Variants in NRG3 observed in about 807,000 individuals in gnomAD.
NRG3 encodes the protein pro-neuregulin-3, membrane-bound isoform.
A neutral mutation model predicts 66.9 loss-of-function variants in NRG3; 31 were observed. That is an observed-to-expected ratio of 0.46 (90% CI 0.35 to 0.63). The LOEUF (loss-of-function observed/expected upper bound fraction) is 0.63, where lower values mean the gene tolerates loss of function less well. Ranked by LOEUF, NRG3 falls within the 20% of genes least tolerant of loss-of-function variation. NRG3 has a pLI of 0.00. For synonymous variants in NRG3, 393 were observed against 359.4 expected (o/e 1.09, Z -1.06); for missense variants, 910 against 878.9 (o/e 1.04, Z -0.45).
intron 1 of NRG3, among the ~76,000 whole-genome samples, chr10:82,117,374 G>T (rs2067793265): frequency 6.6e-6 from 1 of 152,028 alleles, no homozygotes. Context: ...AATTAATTGT[G>T]GGACAAAGAA....
chr10:82,717,252 A>T (rs1049956151), intron 2 of NRG3, among the ~76,000 whole-genome samples: 2 of 152,102 alleles, frequency 1.3e-5, no homozygotes, highest in South Asian at 2.1e-4. Context: ...TATATAAATA[A>T]TTTTTTATAG....
rs1355655530 is a variant in NRG3, at chr10:82,187,626, A to C, written c.824-171113A>C. ...TTTTTTTTGCGGGGAAGAGGTTGAG[A>C]GAGGCTTCCTGGTTTGCTCCTTTGT... is the stretch of plus-strand genomic sequence containing the variant. On this transcript the variant is annotated intron_variant, in intron 1 of 8. Transcript: ENST00000372141. Among the ~76,000 whole-genome samples, 4 of 152,084 alleles carry C rather than the reference A, an allele frequency of 2.6e-5. No individual in the cohort carries two copies. In the East Asian group the frequency reaches 7.7e-4, roughly 29 times the overall value.
At chr10:82,262,799 A>T (rs562140960) in intron 1 of NRG3, among the ~76,000 whole-genome samples, 1 of 152,280 alleles carries the variant, frequency 6.6e-6, no homozygotes, top group African/African-American at 2.4e-5. Context: ...TACGAACACG[A>T]TGAGGAGGGT....
At chr10:81,932,405 C>T (rs1484927290) in intron 1 of NRG3, among the ~76,000 whole-genome samples, 1 of 152,162 alleles carries the variant, frequency 6.6e-6, no homozygotes, top group African/African-American at 2.4e-5. Context: ...TTCAATTCTA[C>T]ATGAGGTTTA....
intron 1 of NRG3, among the ~76,000 whole-genome samples, chr10:82,063,616 G>A (rs2064284823): frequency 6.6e-6 from 1 of 151,482 alleles, no homozygotes; most frequent in East Asian, 1.9e-4. Context: ...ATTGGTAGAG[G>A]TAATTATAGA....
intron 1 of NRG3, among the ~76,000 whole-genome samples, chr10:81,974,468 C>A (rs186141136): frequency 3.4e-4 from 52 of 152,148 alleles, no homozygotes; most frequent in Non-Finnish European, 6.8e-4. Context: ...AGACAAAAAG[C>A]AGAGCAACAA....
intron 2 of NRG3, among the ~76,000 whole-genome samples, chr10:82,494,654 C>A (rs1209375345): frequency 6.6e-6 from 1 of 152,044 alleles, no homozygotes; most frequent in Non-Finnish European, 1.5e-5. Context: ...AAATCCATCA[C>A]CCCCAGGCAT....
intron 1 of NRG3, among the ~76,000 whole-genome samples, chr10:82,105,525 A>G (rs559958842): frequency 6.6e-6 from 1 of 152,126 alleles, no homozygotes; most frequent in Admixed American, 6.5e-5. Context: ...AAGTTGTTGA[A>G]AGATAAAAGT....
intron 2 of NRG3, among the ~76,000 whole-genome samples, chr10:82,447,058 G>A (rs1323804414): frequency 6.6e-6 from 1 of 152,162 alleles, no homozygotes; most frequent in Non-Finnish European, 1.5e-5. Flanking sequence ...AGGAGAAGAA[G>A]AAAGACAGGA....
At chr10:81,904,004 TTTTTG>T (rs1844348224) in intron 1 of NRG3, among the ~76,000 whole-genome samples, 2 of 149,118 alleles carry the variant, frequency 1.3e-5, no homozygotes, top group African/African-American at 4.9e-5. Flanking sequence ...ATATTTTTTT[TTTTTG>T]TTTGTTTGTT....
rs147629824 is a variant in NRG3 at position 82,983,247 on chromosome 10, G to T, written c.1584-1851G>T. On this transcript the variant is annotated intron_variant, in intron 8 of 8. Coordinates refer to ENST00000372141, the MANE Select transcript of NRG3 (RefSeq NM_001010848.4). ...CTATATTTTCATACATACAAATCAT[G>T]CTAACAAGATGGTGCTGAGAGCGAA... Among the ~76,000 whole-genome samples the T allele has an allele frequency of 5.2e-3, 787 of 152,268 alleles. 10 individuals carry two copies. Among genetic ancestry groups the T allele is most frequent in the African/African-American group, 0.018 (744 of 41,560 alleles).
At chr10:82,114,590 GA>G (rs972807130) in intron 1 of NRG3, among the ~76,000 whole-genome samples, 3 of 152,016 alleles carry the variant, frequency 2.0e-5, no homozygotes, top group African/African-American at 7.2e-5. Context: ...GACTTCTGGA[GA>G]AAAAAAGCAT....
At chr10:82,096,636 T>C (rs1446347933) in intron 1 of NRG3, among the ~76,000 whole-genome samples, 4 of 151,916 alleles carry the variant, frequency 2.6e-5, no homozygotes, top group African/African-American at 9.7e-5. Context: ...GATAATACAA[T>C]CTCAAAATGA....
intron 2 of NRG3, among the ~76,000 whole-genome samples, chr10:82,635,582 A>G (rs972818059): frequency 2.0e-5 from 3 of 152,094 alleles, no homozygotes; most frequent in Admixed American, 6.6e-5. Flanking sequence ...CTCATAGACA[A>G]AAGGGTTTAC....
At chr10:82,605,520 T>G (rs969607889) in intron 2 of NRG3, among the ~76,000 whole-genome samples, 1 of 152,068 alleles carries the variant, frequency 6.6e-6, no homozygotes, top group Non-Finnish European at 1.5e-5. Flanking sequence ...TAAGAAATAT[T>G]AGTTCATAGC....
intron 1 of NRG3, among the ~76,000 whole-genome samples, chr10:82,095,824 A>G (rs1019267632): frequency 2.0e-5 from 3 of 152,184 alleles, no homozygotes; most frequent in Non-Finnish European, 2.9e-5. Context: ...ACAAATTCTC[A>G]AAAAGGGAGC....
chr10:81,891,548 T>C (rs1198912413), intron 1 of NRG3, among the ~76,000 whole-genome samples: 2 of 152,142 alleles, frequency 1.3e-5, no homozygotes, highest in Non-Finnish European at 2.9e-5. Context: ...GTGATTTCCA[T>C]GGAGACTGTG....
intron 2 of NRG3, among the ~76,000 whole-genome samples, chr10:82,471,707 C>T (rs1841282415): frequency 6.6e-6 from 1 of 152,002 alleles, no homozygotes; most frequent in Non-Finnish European, 1.5e-5. Context: ...TCAAGACCTG[C>T]CTGGCCAACA....
chr10:82,492,880 A>G (rs1274089978), intron 2 of NRG3, among the ~76,000 whole-genome samples: 1 of 152,214 alleles, frequency 6.6e-6, no homozygotes. Context: ...TTACAGACAC[A>G]GTTGGCCCAG....
Sources: allele counts gnomAD v4.1 joint callset (sites outside exome capture counted in the v4.1 genomes callset), GRCh38; gene constraint gnomAD v4.1.1; transcripts MANE v1.5; gene names NCBI Gene and HGNC (gene_info 2026-07-23, HGNC 2026-07-21).